The following MAT2A variants were observed in gnomAD, a reference collection of about 807,000 sequenced individuals.
MAT2A encodes the protein methionine adenosyltransferase 2A.
A neutral mutation model predicts 43.9 loss-of-function variants in MAT2A; 3 were observed. That is an observed-to-expected ratio of 0.07 (90% confidence interval 0.03 to 0.18). The LOEUF is 0.18. Among genes scored for constraint, MAT2A ranks in the 10% least tolerant of loss-of-function variants. The pLI is 1.00. For missense variants in MAT2A, 204 were observed against 489.0 expected (o/e 0.42, Z 5.50); for synonymous variants, 200 against 168.4 (o/e 1.19, Z -1.45).
chr2:85,540,270 T>C (rs1329205791), intron 1 of MAT2A, among the ~76,000 whole-genome samples: 19 of 152,234 alleles, frequency 1.2e-4, no homozygotes, highest in Non-Finnish European at 4.4e-5. Context: ...TATTTGGCTC[T>C]TTTGGCTGTT....
Position 85,543,769 on chromosome 2 carries a change from T to C in MAT2A, c.1185T>C (p.Tyr395=), listed in dbSNP as rs1420959225. 2 of 1,600,498 alleles carry C rather than the reference T, an allele frequency of 1.2e-6. No homozygotes were observed. Among genetic ancestry groups the C allele is most frequent in the African/African-American group, 2.7e-5 (2 of 74,802 alleles). The change falls in exon 9 of 9, where the codon TAT becomes TAC. Residue 395 remains tyrosine (Y), a synonymous_variant. Coordinates refer to ENST00000306434, the MANE Select transcript of MAT2A (RefSeq NM_005911.6). ...FPWEVPKKLK[Y] The stretch of plus-strand genomic sequence containing the variant: ...GGGAAGTGCCCAAAAAGCTTAAATA[T>C]TGAAAGTGTTAGCCTTTTTTCCCCA...
chr2:85,541,765 G>C lies in MAT2A; in HGVS notation c.405+20G>C. The C allele has an allele frequency of 6.2e-7, 1 of 1,613,538 alleles. No homozygotes were observed. Among genetic ancestry groups the C allele is most frequent in the South Asian group, 1.1e-5 (1 of 91,038 alleles). On this transcript the variant is annotated intron_variant, in intron 4 of 8. Transcript: ENST00000306434. ...GACCAGGTATCTTGGTGTAGAGGCT[G>C]TTTTAATCTCTTCTAACATTAAATT...
chr2:85,543,491 C>T (rs1691531659), intron 8 of MAT2A, 179 bp from the exon 9 acceptor site: 2 of 514,664 alleles, frequency 3.9e-6, no homozygotes, highest in South Asian at 3.1e-5. Flanking sequence ...ACTATAGTTA[C>T]TAATAAGGAC....
At chr2:85,542,100 CAA>C in intron 5 of MAT2A, 53 bp from the exon 6 acceptor site, 1 of 1,584,332 alleles carries the variant, frequency 6.3e-7, no homozygotes, top group Non-Finnish European at 8.7e-7. Context: ...GGTAGAGAAA[CAA>C]ATACAAAGTT....
chr2:85,541,459 C>T lies in MAT2A; in HGVS notation c.292+82C>T, dbSNP rs556030889. Reference sequence around the variant, plus strand: ...AAACTCCTAGAATGTTCCTGCTAATCCTAAACTCCAGTTGTATCTTACTAT... The same window carrying T: ...AAACTCCTAGAATGTTCCTGCTAATTCTAAACTCCAGTTGTATCTTACTAT... On this transcript the variant is annotated intron_variant, in intron 3 of 8. Transcript: ENST00000306434. The T allele has an allele frequency of 4.2e-5, 64 of 1,517,710 alleles. 2 individuals carry two copies. The South Asian group carries it at 7.4e-4, about 17-fold the overall frequency. The allele number at this position is 1,517,710 out of a possible 1,614,324, so 94.0% of individuals were successfully genotyped here. A position where few individuals can be genotyped will look rare whatever the true frequency, so the allele number is the denominator to read the frequency against.
Position 85,541,656 on chromosome 2 carries a change from G to T in MAT2A, c.316G>T (p.Val106Leu), listed in dbSNP as rs754455888. 1 of 1,611,024 alleles carries T rather than the reference G, an allele frequency of 6.2e-7. No individual in the cohort carries two copies. ...SKGFDYKTCN[V>L]LVALEQQSPD... ...AGGTTTTGACTACAAGACTTGTAAC[G>T]TGCTGGTAGCCTTGGAGCAACAGTC... Residue 106 changes from valine (V) to leucine (L), a missense_variant, in exon 4 of 9, where the codon GTG becomes TTG. Val to Leu is a conservative substitution (Grantham distance 32). Coordinates refer to ENST00000306434, the MANE Select transcript of MAT2A (RefSeq NM_005911.6).
In MAT2A at chr2:85,539,283, C is replaced by T; in HGVS notation, c.-5C>T. On this transcript the variant is annotated 5_prime_UTR_variant, in exon 1 of 9. Transcript: ENST00000306434. ...GTAAGGCCACTTCCGCACACCGACA[C>T]CAACATGAACGGACAGCTCAACGGC... 6.2e-7 allele frequency: 1 copy of T among 1,602,936 alleles called. No individual in the cohort carries two copies.
chr2:85,542,298 G>A lies in MAT2A; in HGVS notation c.693G>A (p.Val231=), dbSNP rs1383252801. ...ALKEKVIKAV[V]PAKYLDEDTI... ...AGGAGAAAGTCATCAAAGCAGTTGTGCCTGCGAAATACCTTGATGAGGATA... is the reference window on the plus strand; with the variant it reads ...AGGAGAAAGTCATCAAAGCAGTTGTACCTGCGAAATACCTTGATGAGGATA... The change falls in exon 6 of 9, where the codon GTG becomes GTA. Residue 231 remains valine, a synonymous_variant. Transcript: ENST00000306434. 1.9e-6 allele frequency: 3 copies of A among 1,614,070 alleles called. No homozygotes were observed. The highest frequency in any genetic ancestry group is 2.5e-6 in the Non-Finnish European group (3 of 1,180,032).
In MAT2A at chr2:85,539,359, G is replaced by A. The variant is rs372604021; in HGVS notation, c.72G>A (p.Ser24=). 1 of 1,603,620 alleles carries A rather than the reference G, an allele frequency of 6.2e-7. No individual in the cohort carries two copies. ...EEGTFLFTSE[S]VGEGHPDKIC... ...GCACATTCCTTTTCACCTCAGAGTC[G>A]GTCGGGGAAGGCCACCCAGGTGAGG... The change falls in exon 1 of 9, where the codon TCG becomes TCA. Residue 24 remains serine (S), a synonymous_variant. Transcript: ENST00000306434.
In MAT2A at chr2:85,541,242, C is replaced by T. The variant is rs774075656; in HGVS notation, c.170-13C>T. ...TAGAAGTGATGTTTGAGTTGAATGT[C>T]TCTTTTTATTAGAAACTGTTGCTAA... On this transcript the variant is annotated splice_polypyrimidine_tract_variant and intron_variant, in intron 2 of 8. Coordinates refer to ENST00000306434, the MANE Select transcript of MAT2A (RefSeq NM_005911.6). The T allele has an allele frequency of 8.7e-6, 14 of 1,613,344 alleles. No homozygotes were observed. In the African/African-American group the frequency reaches 1.1e-4, roughly 12 times the overall value.
rs1346217852 is a variant in MAT2A at position 85,544,256 on chromosome 2, C to T, written c.*484C>T. ...TCTATTATGAATGTGAAGCCTTCCC[C>T]TTATCCTCCCTGTAACTTGATCCAT... is the stretch of plus-strand genomic sequence containing the variant. On this transcript the variant is annotated 3_prime_UTR_variant, in exon 9 of 9. Coordinates refer to ENST00000306434, the MANE Select transcript of MAT2A (RefSeq NM_005911.6). 6.5e-6 allele frequency: 1 copy of T among 152,754 alleles called. No homozygotes were observed. Among genetic ancestry groups the T allele is most frequent in the East Asian group, 1.9e-4 (1 of 5,206 alleles). The allele number at this position is 152,754 out of a possible 1,614,324, so 9.5% of individuals were successfully genotyped here.
In MAT2A at chr2:85,539,287, C is replaced by T. The variant is rs150792097; in HGVS notation, c.-1C>T. On this transcript the variant is annotated 5_prime_UTR_variant, in exon 1 of 9. Coordinates refer to ENST00000306434, the MANE Select transcript of MAT2A (RefSeq NM_005911.6). Reference sequence around the variant, plus strand: ...GGCCACTTCCGCACACCGACACCAACATGAACGGACAGCTCAACGGCTTCC... The same window carrying T: ...GGCCACTTCCGCACACCGACACCAATATGAACGGACAGCTCAACGGCTTCC... 32 of 1,603,172 alleles carry T rather than the reference C, an allele frequency of 2.0e-5. No individual in the cohort carries two copies. Among genetic ancestry groups the T allele is most frequent in the Non-Finnish European group, 2.6e-5 (31 of 1,175,294 alleles).
chr2:85,539,214 G>T lies in MAT2A; in HGVS notation c.-74G>T, dbSNP rs573152667. 5.8e-5 allele frequency: 62 copies of T among 1,077,980 alleles called. No individual in the cohort carries two copies. The South Asian group carries it at 7.7e-4, about 13-fold the overall frequency. The allele number at this position is 1,077,980 out of a possible 1,614,324, so 66.8% of individuals were successfully genotyped here. ...TGCTACGAGTAGAACGCTGTCCGCAGCTTGCGCATTTCGCAGCCGCTGCCG... is the reference window on the plus strand; with the variant it reads ...TGCTACGAGTAGAACGCTGTCCGCATCTTGCGCATTTCGCAGCCGCTGCCG... On this transcript the variant is annotated 5_prime_UTR_variant, in exon 1 of 9. Coordinates refer to ENST00000306434, the MANE Select transcript of MAT2A (RefSeq NM_005911.6).
At position 85,541,787 on chromosome 2, in the gene MAT2A, A is replaced by G. The variant is rs751380471; in HGVS notation, c.405+42A>G. 4.3e-6 allele frequency: 7 copies of G among 1,613,704 alleles called. No individual in the cohort carries two copies. The Admixed American group carries it at 6.7e-5, about 15-fold the overall frequency. On this transcript the variant is annotated intron_variant, in intron 4 of 8. Transcript: ENST00000306434. ...GCTGTTTTAATCTCTTCTAACATTA[A>G]ATTCTGGAGCTTGATCACATTGGTG... is the stretch of plus-strand genomic sequence containing the variant.
intron 6 of MAT2A, 85 bp from the exon 7 acceptor site, chr2:85,542,480 A>G: frequency 6.5e-7 from 1 of 1,530,468 alleles, no homozygotes; most frequent in East Asian, 2.3e-5. Flanking sequence ...TCATCGGAGG[A>G]TATTTGCTGA....
In MAT2A at chr2:85,542,553, C is replaced by G. The variant is rs1379913439; in HGVS notation, c.769-12C>G. On this transcript the variant is annotated splice_polypyrimidine_tract_variant and intron_variant, in intron 6 of 8. Transcript: ENST00000306434. ...CACTAGGCGTAAAGTAACTTAAATCCTGTAATTTCAGGGTGATGCTGGTTT... is the reference window on the plus strand; with the variant it reads ...CACTAGGCGTAAAGTAACTTAAATCGTGTAATTTCAGGGTGATGCTGGTTT... 6.2e-7 allele frequency: 1 copy of G among 1,611,906 alleles called. No homozygotes were observed. Among genetic ancestry groups the G allele is most frequent in the South Asian group, 1.1e-5 (1 of 90,850 alleles).
intron 6 of MAT2A, 54 bp from the exon 7 acceptor site, chr2:85,542,511 C>T: frequency 1.3e-6 from 2 of 1,560,630 alleles, no homozygotes; most frequent in South Asian, 2.3e-5. Flanking sequence ...AATAGGCAAC[C>T]TAATCCACTT....
Position 85,542,815 on chromosome 2 carries a change from C to G in MAT2A, c.951+68C>G. On this transcript the variant is annotated intron_variant, in intron 7 of 8. Transcript: ENST00000306434. ...TGGGAGGGTATTTAGTAGTAATCTA[C>G]TTAACTACTTGTTTTATACCAACGT... is the stretch of plus-strand genomic sequence containing the variant. 4.6e-6 allele frequency: 7 copies of G among 1,529,326 alleles called. No homozygotes were observed. The South Asian group carries it at 8.2e-5, about 18-fold the overall frequency. The allele number at this position is 1,529,326 out of a possible 1,614,324, so 94.7% of individuals were successfully genotyped here.
chr2:85,540,866 A>T (rs896504802), intron 1 of MAT2A, among the ~76,000 whole-genome samples: 26 of 152,192 alleles, frequency 1.7e-4, no homozygotes, highest in African/African-American at 5.8e-4. Flanking sequence ...TCTTTAAAGG[A>T]TATAGGACTA....
Sources: allele counts gnomAD v4.1 joint callset (sites outside exome capture counted in the v4.1 genomes callset), GRCh38; gene constraint gnomAD v4.1.1; transcripts MANE v1.5; gene names NCBI Gene and HGNC (gene_info 2026-07-23, HGNC 2026-07-21).